The following GULP1 variants were observed in gnomAD, a reference collection of about 807,000 sequenced individuals.
GULP1 encodes PTB domain-containing engulfment adapter protein 1.
GULP1 carries 19 observed loss-of-function variants against 40.9 expected under a neutral mutation model. The ratio of observed to expected loss-of-function variants is 0.46; its 90% CI spans 0.32 to 0.68. The LOEUF is 0.68. Ranked by LOEUF, GULP1 falls within the 30% of genes least tolerant of loss-of-function variation. GULP1 has a pLI of 0.03. For missense variants in GULP1, 312 were observed against 362.2 expected (o/e 0.86, Z 1.12); for synonymous variants, 119 against 117.6 (o/e 1.01, Z -0.08).
intron 2 of GULP1, among the ~76,000 whole-genome samples, chr2:188,447,713 T>C (rs946113382): frequency 3.9e-5 from 6 of 152,064 alleles, no homozygotes; most frequent in African/African-American, 1.4e-4. Flanking sequence ...TACTGGTGCA[T>C]TGCTAGACAC....
In GULP1 at chr2:188,396,609, A is replaced by C. The variant is rs373308076; in HGVS notation, c.-45+12720A>C. 2.1e-4 allele frequency among the ~76,000 whole-genome samples: 32 copies of C among 152,314 alleles called. 1 individual carries two copies. Among genetic ancestry groups the C allele is most frequent in the African/African-American group, 7.7e-4 (32 of 41,568 alleles). ...AGCCTGCCTGGTGGAGACAGCAACC[A>C]TGGCTTTCAGGCCACAGCCGTCCCA... On this transcript the variant is annotated intron_variant, in intron 2 of 11. Transcript: ENST00000409830.
intron 1 of GULP1, among the ~76,000 whole-genome samples, chr2:188,312,246 A>T (rs2038288437): frequency 6.6e-6 from 1 of 151,882 alleles, no homozygotes; most frequent in Non-Finnish European, 1.5e-5. Flanking sequence ...TGTTACACAG[A>T]TATATGTTTT....
At chr2:188,385,877 C>T (rs943106947) in intron 2 of GULP1, among the ~76,000 whole-genome samples, 1 of 152,106 alleles carries the variant, frequency 6.6e-6, no homozygotes, top group Non-Finnish European at 1.5e-5. Flanking sequence ...TGTCATTGTC[C>T]ATATCATTAT....
intron 2 of GULP1, among the ~76,000 whole-genome samples, chr2:188,386,748 A>G (rs561423548): frequency 6.6e-6 from 1 of 152,322 alleles, no homozygotes; most frequent in Non-Finnish European, 1.5e-5. Flanking sequence ...TAAAGTTTTC[A>G]TTAGCCAGTT....
At chr2:188,419,056 C>CT (rs906524324) in intron 2 of GULP1, among the ~76,000 whole-genome samples, 7 of 151,838 alleles carry the variant, frequency 4.6e-5, no homozygotes, top group South Asian at 2.1e-4. Context: ...GCAGAATTTT[C>CT]TTTTTTTTAG....
chr2:188,541,049 C>T, intron 6 of GULP1, 132 bp from the exon 7 acceptor site: 1 of 749,850 alleles, frequency 1.3e-6, no homozygotes, highest in Non-Finnish European at 2.2e-6. Flanking sequence ...TTGGGGTGTA[C>T]ATAATTATAA....
At chr2:188,496,072 C>T (rs2062866465) in intron 4 of GULP1, among the ~76,000 whole-genome samples, 1 of 151,994 alleles carries the variant, frequency 6.6e-6, no homozygotes, top group African/African-American at 2.4e-5. Flanking sequence ...CAGAATTACC[C>T]ACTAATGATG....
chr2:188,434,140 T>A (rs1473638488), intron 2 of GULP1, among the ~76,000 whole-genome samples: 1 of 152,030 alleles, frequency 6.6e-6, no homozygotes, highest in East Asian at 1.9e-4. Flanking sequence ...ACAGTTGATC[T>A]GCACCTTCAT....
At position 188,341,517 on chromosome 2, in the gene GULP1, C is replaced by T. The variant is rs182235110; in HGVS notation, c.-171-42246C>T. ...TAACTGTTTCTTTGTTGGGGGACAT[C>T]CTTGATACTGTCTTATTTAATACCA... On this transcript the variant is annotated intron_variant, in intron 1 of 11. Coordinates refer to ENST00000409830, the MANE Select transcript of GULP1 (RefSeq NM_016315.4). Among the ~76,000 whole-genome samples the T allele has an allele frequency of 2.0e-3, 300 of 152,146 alleles. 1 individual carries two copies. The highest frequency in any genetic ancestry group is 3.3e-3 in the Non-Finnish European group (222 of 67,978).
chr2:188,593,870 T>C lies in GULP1; in HGVS notation c.844-70T>C. ...TGAATATTTCAACTTTAGTGCATAG[T>C]CTTTTTTATTCACTGATTTTATTTT... is the stretch of plus-strand genomic sequence containing the variant. On this transcript the variant is annotated intron_variant, in intron 11 of 11. Coordinates refer to ENST00000409830, the MANE Select transcript of GULP1 (RefSeq NM_016315.4). 9 of 850,386 alleles carry C rather than the reference T, an allele frequency of 1.1e-5. No individual in the cohort carries two copies. The South Asian group carries it at 1.1e-4, about 11-fold the overall frequency. 52.7% of individuals were successfully genotyped at this position (850,386 alleles called of 1,614,324 possible).
chr2:188,302,215 G>A (rs990613117), intron 1 of GULP1, among the ~76,000 whole-genome samples: 13 of 152,066 alleles, frequency 8.5e-5, no homozygotes, highest in African/African-American at 2.9e-4. Flanking sequence ...TAATACAGTA[G>A]ATAAGTCAAT....
In GULP1 at chr2:188,502,679, A is replaced by C. The variant is rs183099278; in HGVS notation, c.90+19187A>C. 3.1e-4 allele frequency among the ~76,000 whole-genome samples: 47 copies of C among 152,042 alleles called. No individual in the cohort carries two copies. In the East Asian group the frequency reaches 3.7e-3, roughly 12 times the overall value. On this transcript the variant is annotated intron_variant, in intron 4 of 11. Coordinates refer to ENST00000409830, the MANE Select transcript of GULP1 (RefSeq NM_016315.4). ...AATCATCTCCTTCTTTATATTTTCTACACTATAAAATTGTGCAGTAATTTA... is the reference window on the plus strand; with the variant it reads ...AATCATCTCCTTCTTTATATTTTCTCCACTATAAAATTGTGCAGTAATTTA...
chr2:188,525,660 G>A (rs1233672171), intron 5 of GULP1, among the ~76,000 whole-genome samples: 6 of 152,166 alleles, frequency 3.9e-5, no homozygotes, highest in Non-Finnish European at 8.8e-5. Flanking sequence ...TACCCAGTGG[G>A]CAGCATTCCT....
intron 6 of GULP1, among the ~76,000 whole-genome samples, chr2:188,538,557 T>C (rs1453371083): frequency 2.0e-5 from 3 of 152,086 alleles, no homozygotes; most frequent in Non-Finnish European, 2.9e-5. Context: ...TACCCATATA[T>C]ATAAAGTACC....
At chr2:188,465,484 G>A (rs1490058958) in intron 2 of GULP1, among the ~76,000 whole-genome samples, 1 of 151,976 alleles carries the variant, frequency 6.6e-6, no homozygotes, top group Non-Finnish European at 1.5e-5. Flanking sequence ...TAGTGGAAAG[G>A]TGATGCCAGC....
intron 2 of GULP1, among the ~76,000 whole-genome samples, 165 bp downstream of exon 2, chr2:188,384,054 T>G (rs2049341047): frequency 2.0e-5 from 3 of 152,200 alleles, no homozygotes; most frequent in African/African-American, 7.2e-5. Context: ...TGATGAGCCT[T>G]TTTTCTGAAA....
At chr2:188,300,267 G>A (rs2035893519) in intron 1 of GULP1, among the ~76,000 whole-genome samples, 1 of 151,974 alleles carries the variant, frequency 6.6e-6, no homozygotes, top group Non-Finnish European at 1.5e-5. Flanking sequence ...TCTTATATTT[G>A]TTTATTTTTC....
chr2:188,382,249 G>A (rs1207278110), intron 1 of GULP1, among the ~76,000 whole-genome samples: 1 of 152,236 alleles, frequency 6.6e-6, no homozygotes, highest in African/African-American at 2.4e-5. Context: ...GCCCCTGGGA[G>A]CAACCCTCAG....
chr2:188,322,239 C>T (rs1338025835), intron 1 of GULP1, among the ~76,000 whole-genome samples: 1 of 151,864 alleles, frequency 6.6e-6, no homozygotes, highest in Non-Finnish European at 1.5e-5. Flanking sequence ...ACACAGTGTT[C>T]TCTATACAGT....
Sources: allele counts gnomAD v4.1 joint callset (sites outside exome capture counted in the v4.1 genomes callset), GRCh38; gene constraint gnomAD v4.1.1; transcripts MANE v1.5; gene names NCBI Gene and HGNC (gene_info 2026-07-23, HGNC 2026-07-21).